NFXL1: variants seen among roughly 807,000 people sequenced by gnomAD.
NFXL1 encodes NF-X1-type zinc finger protein NFXL1.
In NFXL1, 66 loss-of-function variants were observed where a neutral mutation model predicts 123.3. The ratio of observed to expected loss-of-function variants is 0.54; its 90% CI spans 0.44 to 0.66. The LOEUF is 0.66. Among genes scored for constraint, NFXL1 ranks in the 30% least tolerant of loss-of-function variants. NFXL1 has a pLI of 0.00. For missense variants in NFXL1, 944 were observed against 1,125.6 expected (o/e 0.84, Z 2.31); for synonymous variants, 346 against 360.8 (o/e 0.96, Z 0.46).
Position 47,878,442 on chromosome 4 carries a change from C to G in NFXL1, c.2079+83G>C, listed in dbSNP as rs545148580. Reference sequence around the variant, plus strand: ...AAAGAGACAGGAAGCTAAAGCAAAACAGAAAAATATTTATGGTATAACTGT... The same window carrying G: ...AAAGAGACAGGAAGCTAAAGCAAAAGAGAAAAATATTTATGGTATAACTGT... On this transcript the variant is annotated intron_variant, in intron 17 of 22. Coordinates refer to ENST00000507489, the MANE Select transcript of NFXL1 (RefSeq NM_001278624.2). 10 of 1,108,856 alleles carry G rather than the reference C, an allele frequency of 9.0e-6. 1 individual carries two copies. The South Asian group carries it at 2.1e-4, about 23-fold the overall frequency. 68.7% of individuals were successfully genotyped at this position (1,108,856 alleles called of 1,614,324 possible).
intron 18 of NFXL1, among the ~76,000 whole-genome samples, chr4:47,872,620 T>A (rs1029589221): frequency 2.0e-5 from 3 of 152,216 alleles, no homozygotes; most frequent in African/African-American, 7.2e-5. Flanking sequence ...ATAAAAGTTA[T>A]GTTTACACAA....
chr4:47,885,102 G>A (rs1037650903), intron 14 of NFXL1, among the ~76,000 whole-genome samples: 4 of 149,334 alleles, frequency 2.7e-5, no homozygotes, highest in African/African-American at 9.9e-5. Flanking sequence ...TCCAGCCTGG[G>A]CAACAGAGTG....
At chr4:47,886,330 TA>T (rs1736427345) in intron 12 of NFXL1, among the ~76,000 whole-genome samples, 1 of 152,168 alleles carries the variant, frequency 6.6e-6, no homozygotes, top group South Asian at 2.1e-4. Context: ...GTTCAGTTTG[TA>T]AAAATTCAAC....
chr4:47,888,124 A>G (rs908570804), intron 12 of NFXL1, among the ~76,000 whole-genome samples: 5 of 152,174 alleles, frequency 3.3e-5, no homozygotes, highest in Non-Finnish European at 1.5e-5. Flanking sequence ...AAATACAAAA[A>G]TTAGCTGGAC....
At chr4:47,890,566 CACT>C (rs766974684) in intron 12 of NFXL1, 44 bp downstream of exon 12, 77 of 1,014,356 alleles carry the variant, frequency 7.6e-5, no homozygotes, top group Non-Finnish European at 1.1e-4. Flanking sequence ...AAAAAAAAAC[CACT>C]ACATCACTAC....
At chr4:47,888,565 AC>A (rs60728654) in intron 12 of NFXL1, among the ~76,000 whole-genome samples, 52,586 of 151,884 alleles carry the variant, frequency 0.35, 9,505 homozygotes, top group East Asian at 0.59. Flanking sequence ...AAACAAAAAA[AC>A]ACCACTCTAC....
At chr4:47,855,356 A>ATATATAATTTAATTATATT (rs1734350643) in intron 19 of NFXL1, among the ~76,000 whole-genome samples, 193 bp from the exon 20 acceptor site, 1 of 149,422 alleles carries the variant, frequency 6.7e-6, no homozygotes, top group Non-Finnish European at 1.5e-5. Context: ...TTAATTATAT[A>ATATATAATTTAATTATATT]TATATAATTT....
intron 18 of NFXL1, among the ~76,000 whole-genome samples, chr4:47,872,862 T>C (rs1052621109): frequency 5.3e-5 from 8 of 152,210 alleles, no homozygotes; most frequent in Non-Finnish European, 1.0e-4. Flanking sequence ...ACAATAGAGT[T>C]TGCTGCATCA....
chr4:47,896,388 T>A (rs1242408125), intron 10 of NFXL1, 135 bp downstream of exon 10: 7 of 594,704 alleles, frequency 1.2e-5, no homozygotes, highest in African/African-American at 3.7e-5. Flanking sequence ...ATCCTAATAT[T>A]AGGTCACTAA....
At position 47,898,987 on chromosome 4, in the gene NFXL1, T is replaced by A. The variant is rs1737243453; in HGVS notation, c.960A>T (p.Gln320His). The change falls in exon 7 of 23, where the codon CAA (glutamine) becomes CAT (histidine). Residue 320 changes from glutamine (Q) to histidine (H), a missense_variant. Physicochemically the swap from Gln to His is conservative, Grantham distance 24. This residue lies in a region of NFXL1 where 296 missense variants were observed against 395.1 expected (regional missense o/e 0.75). Transcript: ENST00000507489. ...CATGACAAGGATTTTCACACTTATGTTGCCCACAAAGCAACTTCTGTCCAC... is the reference window on the plus strand; with the variant it reads ...CATGACAAGGATTTTCACACTTATGATGCCCACAAAGCAACTTCTGTCCAC... ...LPCGQKLLCG[Q>H]HKCENPCHAG... is the part of the protein sequence containing the mutation. The A allele has an allele frequency of 6.2e-7, 1 of 1,613,990 alleles. No homozygotes were observed. The highest frequency in any genetic ancestry group is 1.3e-5 in the African/African-American group (1 of 74,898).
In NFXL1 at chr4:47,847,442, G is replaced by C. The variant is rs894208820; in HGVS notation, c.*721C>G. 1 of 152,160 alleles carries C rather than the reference G, an allele frequency of 6.6e-6. No homozygotes were observed. Among genetic ancestry groups the C allele is most frequent in the African/African-American group, 2.4e-5 (1 of 41,430 alleles). 9.4% of individuals were successfully genotyped at this position (152,160 alleles called of 1,614,324 possible). A position where few individuals can be genotyped will look rare whatever the true frequency, so the allele number is the denominator to read the frequency against. ...AAGGTACATAGACCTCATAAGCCCT[G>C]TTGTCAGCACATATTCTTCATAAAT... is the stretch of plus-strand genomic sequence containing the variant. On this transcript the variant is annotated 3_prime_UTR_variant, in exon 23 of 23. Transcript: ENST00000507489.
chr4:47,855,466 A>G (rs946823315), intron 19 of NFXL1, among the ~76,000 whole-genome samples: 4 of 151,988 alleles, frequency 2.6e-5, no homozygotes, highest in African/African-American at 9.7e-5. Context: ...TGGTCAATGG[A>G]ATGTAAGCAA....
chr4:47,911,007 A>G lies in NFXL1; in HGVS notation c.236-13T>C. The G allele has an allele frequency of 6.7e-7, 1 of 1,492,210 alleles. No homozygotes were observed. The highest frequency in any genetic ancestry group is 9.0e-7 in the Non-Finnish European group (1 of 1,106,890). 92.4% of individuals were successfully genotyped at this position (1,492,210 alleles called of 1,614,324 possible). A position where few individuals can be genotyped will look rare whatever the true frequency, so the allele number is the denominator to read the frequency against. ...TGAGACATTAGCTCTGTTTAAAAGA[A>G]AAAAGTTTCATTTCTGCAAAACAAT... On this transcript the variant is annotated splice_polypyrimidine_tract_variant and intron_variant, in intron 2 of 22. Transcript: ENST00000507489.
Position 47,896,657 on chromosome 4 carries a change from T to C in NFXL1, c.1205-10A>G. On this transcript the variant is annotated splice_polypyrimidine_tract_variant and intron_variant, in intron 9 of 22. Coordinates refer to ENST00000507489, the MANE Select transcript of NFXL1 (RefSeq NM_001278624.2). ...CAAGGCAAAGAAAACTCTAAAAACATACAAAAAGTCAATGTTAATAATGAG... is the reference window on the plus strand; with the variant it reads ...CAAGGCAAAGAAAACTCTAAAAACACACAAAAAGTCAATGTTAATAATGAG... 3 of 1,590,328 alleles carry C rather than the reference T, an allele frequency of 1.9e-6. No homozygotes were observed. Among genetic ancestry groups the C allele is most frequent in the Non-Finnish European group, 2.6e-6 (3 of 1,160,436 alleles).
intron 19 of NFXL1, among the ~76,000 whole-genome samples, chr4:47,857,448 GTA>G (rs1286815992): frequency 1.3e-5 from 2 of 152,124 alleles, no homozygotes; most frequent in Non-Finnish European, 2.9e-5. Context: ...ACTTTAATCA[GTA>G]TTCTGTTGCG....
At position 47,848,190 on chromosome 4, in the gene NFXL1, G is replaced by C. The variant is rs540746739; in HGVS notation, c.2709C>G (p.Ala903=). Residue 903 remains alanine (A), a synonymous_variant, in exon 23 of 23, where the codon GCC becomes GCG. Coordinates refer to ENST00000507489, the MANE Select transcript of NFXL1 (RefSeq NM_001278624.2). Reference sequence around the variant, plus strand: ...AATTGACATCATGGGTGATGTACCAGGCAAACACTACAACCACAACTCCAC... The same window carrying C: ...AATTGACATCATGGGTGATGTACCACGCAAACACTACAACCACAACTCCAC... ...SVCGVVVVVF[A]WYITHDVN 6.2e-7 allele frequency: 1 copy of C among 1,603,968 alleles called. No individual in the cohort carries two copies. Among genetic ancestry groups the C allele is most frequent in the African/African-American group, 1.3e-5 (1 of 74,786 alleles).
chr4:47,886,105 C>A, intron 12 of NFXL1, 106 bp from the exon 13 acceptor site: 1 of 998,730 alleles, frequency 1.0e-6, no homozygotes, highest in Non-Finnish European at 1.5e-6. Context: ...TACTCTACAA[C>A]AAGAATGAAG....
chr4:47,849,616 T>C (rs1469108961), intron 22 of NFXL1, among the ~76,000 whole-genome samples: 14 of 152,158 alleles, frequency 9.2e-5, no homozygotes, highest in Non-Finnish European at 8.8e-5. Flanking sequence ...TTCTGACATA[T>C]AAAAAACGTC....
chr4:47,884,472 G>A, intron 14 of NFXL1, 35 bp from the exon 15 acceptor site: 1 of 1,316,584 alleles, frequency 7.6e-7, no homozygotes. Flanking sequence ...TTAAGTCAGA[G>A]GGATTAAATC....
Sources: gnomAD v4.1 joint callset for allele counts (sites outside exome capture counted in the v4.1 genomes callset) on GRCh38, gnomAD v4.1.1 for gene constraint, gnomAD v4.1.1 regional missense constraint, MANE v1.5 for transcripts, NCBI Gene and HGNC (gene_info 2026-07-23, HGNC 2026-07-21) for gene names.